Variants in NCBP1 observed in about 807,000 individuals in gnomAD.
NCBP1 encodes nuclear cap-binding protein subunit 1.
Under a neutral mutation model 111.7 loss-of-function variants are expected in NCBP1, and 16 were observed. The ratio of observed to expected loss-of-function variants is 0.14; its 90% CI spans 0.10 to 0.22. The LOEUF (loss-of-function observed/expected upper bound fraction) is 0.22. Ranked by LOEUF, NCBP1 falls within the 10% of genes least tolerant of loss-of-function variation. The probability of loss-of-function intolerance (pLI) is 1.00; values close to 1 mark genes in which losing one functional copy is unlikely to be tolerated. For missense variants in NCBP1, 607 were observed against 957.5 expected (o/e 0.63, Z 4.83); for synonymous variants, 304 against 314.3 (o/e 0.97, Z 0.35).
chr9:97,637,122 GA>G (rs1827065018), intron 1 of NCBP1, among the ~76,000 whole-genome samples: 1 of 152,160 alleles, frequency 6.6e-6, no homozygotes, highest in Admixed American at 6.6e-5. Flanking sequence ...AGAGATAGCA[GA>G]GGGTTGCATC....
rs750692037 is a variant in NCBP1, at chr9:97,656,066, G to A, written c.1354G>A (p.Val452Ile). ...ESPKPKFVRE[V>I]LEKCMRLSYH... ...TCCCAAACCGAAGTTTGTAAGAGAA[G>A]TTCTAGAAAAATGTATGAGGTAAGT... Residue 452 changes from valine to isoleucine, a missense_variant, in exon 14 of 23, where the codon GTT (valine) becomes ATT (isoleucine). By Grantham distance (29) the Val-to-Ile change is conservative. This residue lies in a region of NCBP1 where 282 missense variants were observed against 376.5 expected (regional missense o/e 0.75). Coordinates refer to ENST00000375147, the MANE Select transcript of NCBP1 (RefSeq NM_002486.5). 1.9e-6 allele frequency: 3 copies of A among 1,613,838 alleles called. No individual in the cohort carries two copies. Among genetic ancestry groups the A allele is most frequent in the Non-Finnish European group, 2.5e-6 (3 of 1,179,784 alleles).
intron 16 of NCBP1, among the ~76,000 whole-genome samples, chr9:97,661,726 T>C (rs1159263780): frequency 7.0e-6 from 1 of 143,458 alleles, no homozygotes; most frequent in Non-Finnish European, 1.5e-5. Flanking sequence ...AGACATAAGC[T>C]TAAGTGTTTT....
rs750128641 is a variant in NCBP1 at position 97,655,729 on chromosome 9, A to G, written c.1263A>G (p.Leu421=). Residue 421 remains leucine, a synonymous_variant, in exon 13 of 23, where the codon CTA becomes CTG. Coordinates refer to ENST00000375147, the MANE Select transcript of NCBP1 (RefSeq NM_002486.5). The stretch of plus-strand genomic sequence containing the variant: ...TTATTAATTGGTTTTCTCATCATCT[A>G]AGTAACTTCCAGTTCCGTTGGAGCT... ...DRFINWFSHH[L]SNFQFRWSWE... 5 of 1,612,794 alleles carry G rather than the reference A, an allele frequency of 3.1e-6. No individual in the cohort carries two copies. The Admixed American group carries it at 8.4e-5, about 27-fold the overall frequency.
chr9:97,651,415 T>C lies in NCBP1; in HGVS notation c.1059+42T>C, dbSNP rs754507655. On this transcript the variant is annotated intron_variant, in intron 10 of 22. Coordinates refer to ENST00000375147, the MANE Select transcript of NCBP1 (RefSeq NM_002486.5). ...GAGCGTGTTTCTGAGTTTCAGAATC[T>C]TTCTGTTGGCTTTAAAGTATGATCT... 1.9e-6 allele frequency: 3 copies of C among 1,554,556 alleles called. No individual in the cohort carries two copies. The Admixed American group carries it at 5.2e-5, about 27-fold the overall frequency.
intron 4 of NCBP1, among the ~76,000 whole-genome samples, chr9:97,644,340 A>T (rs867749500): frequency 6.6e-6 from 1 of 152,090 alleles, no homozygotes; most frequent in Non-Finnish European, 1.5e-5. Context: ...AGATCCCTAA[A>T]CACACCTTGT....
At position 97,661,038 on chromosome 9, in the gene NCBP1, G is replaced by A. The variant is rs1432958061; in HGVS notation, c.1570G>A (p.Val524Ile). 1.2e-6 allele frequency: 2 copies of A among 1,612,700 alleles called. No individual in the cohort carries two copies. Among genetic ancestry groups the A allele is most frequent in the South Asian group, 1.1e-5 (1 of 91,056 alleles). The change falls in exon 16 of 23, where the codon GTA becomes ATA. Residue 524 changes from valine (V) to isoleucine (I), a missense_variant. Val to Ile is a conservative substitution (Grantham distance 29). This residue lies in a region of NCBP1 where 282 missense variants were observed against 376.5 expected (regional missense o/e 0.75). Transcript: ENST00000375147. ...NDEIFSILKDVPNPNQDDDDD... is the reference protein window; with the variant it reads ...NDEIFSILKDIPNPNQDDDDD... ...TGAAATCTTCAGCATTCTGAAAGAT[G>A]TACCAAATCCTAACCAGGATGATGA...
Position 97,633,828 on chromosome 9 carries a change from T to G in NCBP1, c.-54T>G. ...TTGCGTCGGCCAGCGGCCAGACAGTTCCTGCAGCGCTTACCGCCTGGCCTC... is the reference window on the plus strand; with the variant it reads ...TTGCGTCGGCCAGCGGCCAGACAGTGCCTGCAGCGCTTACCGCCTGGCCTC... On this transcript the variant is annotated 5_prime_UTR_variant, in exon 1 of 23. Transcript: ENST00000375147. 6.5e-7 allele frequency: 1 copy of G among 1,549,494 alleles called. No individual in the cohort carries two copies. The highest frequency in any genetic ancestry group is 1.2e-5 in the South Asian group (1 of 84,792).
intron 7 of NCBP1, 140 bp from the exon 8 acceptor site, chr9:97,647,862 TAAAAAC>T (rs1215543357): frequency 5.1e-6 from 4 of 782,670 alleles, no homozygotes; most frequent in South Asian, 3.9e-5. Flanking sequence ...GTAAGTAAAA[TAAAAAC>T]AAAAACTTAG....
intron 8 of NCBP1, among the ~76,000 whole-genome samples, chr9:97,649,195 C>G (rs1827431177): frequency 1.3e-5 from 2 of 152,048 alleles, no homozygotes; most frequent in South Asian, 4.1e-4. Context: ...TATACATGTT[C>G]TTTATTTCAA....
chr9:97,643,687 T>C (rs988938282), intron 4 of NCBP1, among the ~76,000 whole-genome samples: 1 of 152,068 alleles, frequency 6.6e-6, no homozygotes, highest in Non-Finnish European at 1.5e-5. Flanking sequence ...GAATAACCCA[T>C]CTAGAAAGCT....
intron 1 of NCBP1, among the ~76,000 whole-genome samples, chr9:97,639,046 G>A (rs970906734): frequency 6.6e-6 from 1 of 152,134 alleles, no homozygotes; most frequent in South Asian, 2.1e-4. Context: ...TGTGACTTAG[G>A]TTTGATCTAT....
At position 97,641,634 on chromosome 9, in the gene NCBP1, A is replaced by G; in HGVS notation, c.196A>G (p.Ser66Gly). 6.2e-7 allele frequency: 1 copy of G among 1,608,916 alleles called. No individual in the cohort carries two copies. Among genetic ancestry groups the G allele is most frequent in the Non-Finnish European group, 8.5e-7 (1 of 1,175,900 alleles). ...GGAAGCTGATCTTCCTAACTACAAGAGCAAGATCTTAAGGCTTCTTTGTAC... is the reference window on the plus strand; with the variant it reads ...GGAAGCTGATCTTCCTAACTACAAGGGCAAGATCTTAAGGCTTCTTTGTAC... ...VLEADLPNYK[S>G]KILRLLCTVA... Residue 66 changes from serine (S) to glycine (G), a missense_variant, in exon 3 of 23, where the codon AGC becomes GGC. Around this residue, in one of 9 missense-constraint regions of NCBP1, gnomAD observed 185 missense variants for 272.0 expected, o/e 0.68. Coordinates refer to ENST00000375147, the MANE Select transcript of NCBP1 (RefSeq NM_002486.5).
In NCBP1 at chr9:97,671,392, A is replaced by G; in HGVS notation, c.*193A>G. ...AAAGCAAATACTTCCTAACGGCAGT[A>G]ATGTGACTATGACCATGATATATTA... On this transcript the variant is annotated 3_prime_UTR_variant, in exon 23 of 23. Coordinates refer to ENST00000375147, the MANE Select transcript of NCBP1 (RefSeq NM_002486.5). 9.3e-6 allele frequency: 5 copies of G among 539,234 alleles called. No homozygotes were observed. The South Asian group carries it at 1.1e-4, about 12-fold the overall frequency. 33.4% of individuals were successfully genotyped at this position (539,234 alleles called of 1,614,324 possible).
At chr9:97,650,681 G>A (rs942592043) in intron 9 of NCBP1, 81 bp downstream of exon 9, 6 of 1,185,538 alleles carry the variant, frequency 5.1e-6, no homozygotes, top group Non-Finnish European at 7.3e-6. Context: ...TATATGTTGA[G>A]AGTGTAAGAA....
chr9:97,657,908 A>G (rs2401599), intron 14 of NCBP1, among the ~76,000 whole-genome samples: 3 of 94,758 alleles, frequency 3.2e-5, no homozygotes, highest in Non-Finnish European at 5.9e-5. Context: ...CTCTCTCTCT[A>G]TATATATATA....
At position 97,655,915 on chromosome 9, in the gene NCBP1, C is replaced by T. The variant is rs1827638435; in HGVS notation, c.1299-96C>T. The stretch of plus-strand genomic sequence containing the variant: ...CAAGTGCAATTATAACTTAACAAAA[C>T]TTGTAAGTTGTTATAAGTTAACAGA... On this transcript the variant is annotated intron_variant, in intron 13 of 22. Coordinates refer to ENST00000375147, the MANE Select transcript of NCBP1 (RefSeq NM_002486.5). 3.6e-6 allele frequency: 5 copies of T among 1,375,464 alleles called. No individual in the cohort carries two copies. In the Admixed American group the frequency reaches 8.4e-5, roughly 23 times the overall value. 85.2% of individuals were successfully genotyped at this position (1,375,464 alleles called of 1,614,324 possible). A position where few individuals can be genotyped will look rare whatever the true frequency, so the allele number is the denominator to read the frequency against.
At chr9:97,656,177 A>T in intron 14 of NCBP1, 92 bp downstream of exon 14, 3 of 1,051,208 alleles carry the variant, frequency 2.9e-6, no homozygotes, top group Non-Finnish European at 4.2e-6. Context: ...TATTGGATTC[A>T]AAATCCACTT....
chr9:97,661,243 C>T (rs540232069), intron 16 of NCBP1, among the ~76,000 whole-genome samples, 175 bp downstream of exon 16: 1 of 152,254 alleles, frequency 6.6e-6, no homozygotes, highest in East Asian at 1.9e-4. Flanking sequence ...GAGATCCTAA[C>T]ATTTCTGTGA....
intron 10 of NCBP1, among the ~76,000 whole-genome samples, chr9:97,652,453 A>G (rs1455426910): frequency 6.6e-6 from 1 of 152,194 alleles, no homozygotes; most frequent in South Asian, 2.1e-4. Context: ...TCCTGTCTCC[A>G]CTAAAAATAC....
Sources: gnomAD v4.1 joint callset for allele counts (sites outside exome capture counted in the v4.1 genomes callset) on GRCh38, gnomAD v4.1.1 for gene constraint, gnomAD v4.1.1 regional missense constraint, MANE v1.5 for transcripts, NCBI Gene and HGNC (gene_info 2026-07-23, HGNC 2026-07-21) for gene names.